The following SEMA3A variants were observed in gnomAD, a reference collection of about 807,000 sequenced individuals.
SEMA3A encodes semaphorin-3A.
SEMA3A carries 29 observed loss-of-function variants against 97.9 expected under a neutral mutation model. That is an observed-to-expected ratio of 0.30 (90% CI 0.22 to 0.40). The LOEUF (loss-of-function observed/expected upper bound fraction) is 0.40, where lower values mean the gene tolerates loss of function less well. Ranked by LOEUF, SEMA3A falls within the 10% of genes least tolerant of loss-of-function variation. The pLI, the probability that SEMA3A is intolerant of heterozygous loss-of-function variation, is 1.00. For missense variants in SEMA3A, 763 were observed against 951.3 expected, an observed-to-expected ratio of 0.80 and a Z score of 2.60; for synonymous variants, 321 against 323.7, an observed-to-expected ratio of 0.99 and a Z score of 0.09.
intron 2 of SEMA3A, among the ~76,000 whole-genome samples, chr7:84,348,259 G>A (rs1229748481): frequency 6.6e-6 from 1 of 151,998 alleles, no homozygotes; most frequent in African/African-American, 2.4e-5. Flanking sequence ...AATTAATTAA[G>A]CATTGTTTAA....
chr7:84,274,327 C>T lies in SEMA3A; in HGVS notation c.-83+32880G>A, dbSNP rs111258050. Among the ~76,000 whole-genome samples the T allele has an allele frequency of 4.6e-5, 7 of 152,132 alleles. 1 individual carries two copies. The highest frequency in any genetic ancestry group is 1.2e-4 in the African/African-American group (5 of 41,526). On this transcript the variant is annotated intron_variant, in intron 3 of 3. Transcript: ENST00000424555. ...TTCCTTTGGTCAGTAAACAATCCAC[C>T]GTGCAGGAAAGGCCCCTGAAATTCC...
chr7:84,257,998 C>T (rs865975028), intron 3 of SEMA3A, among the ~76,000 whole-genome samples: 1 of 152,066 alleles, frequency 6.6e-6, no homozygotes, highest in African/African-American at 2.4e-5. Context: ...ATTGCAAATA[C>T]TCATGTGACA....
chr7:83,995,709 ATAAAAT>A (rs1225868036), intron 12 of SEMA3A, among the ~76,000 whole-genome samples: 1 of 47,668 alleles, frequency 2.1e-5, no homozygotes, highest in Non-Finnish European at 3.7e-5. Context: ...TCGAGTAAAA[ATAAAAT>A]TAAAACAGCA....
At chr7:84,448,073 A>G (rs776434119) in intron 1 of SEMA3A, among the ~76,000 whole-genome samples, 7 of 152,162 alleles carry the variant, frequency 4.6e-5, no homozygotes, top group Non-Finnish European at 1.0e-4. Flanking sequence ...TCACTTGGCC[A>G]TACACCCTTC....
intron 13 of SEMA3A, among the ~76,000 whole-genome samples, chr7:83,984,486 G>A (rs1410697479): frequency 3.9e-5 from 6 of 151,920 alleles, no homozygotes; most frequent in African/African-American, 7.2e-5. Context: ...AGCATGGTCA[G>A]AGATAAAACA....
intron 5 of SEMA3A, among the ~76,000 whole-genome samples, chr7:84,058,671 C>A (rs1243035120): frequency 6.6e-6 from 1 of 152,052 alleles, no homozygotes. Context: ...GCGCTACATA[C>A]CTCTGAAAAT....
intron 3 of SEMA3A, among the ~76,000 whole-genome samples, chr7:84,231,778 A>G (rs148779711): frequency 0.035 from 5,391 of 151,934 alleles, 112 homozygotes; most frequent in South Asian, 0.046. Context: ...GTGTTTTACT[A>G]AGCTGAGTGT....
intron 15 of SEMA3A, among the ~76,000 whole-genome samples, chr7:83,965,914 C>T (rs1170481395): frequency 6.6e-6 from 1 of 150,568 alleles, no homozygotes; most frequent in African/African-American, 2.4e-5. Context: ...CTCCTGACCT[C>T]GTGATCCGCC....
intron 3 of SEMA3A, among the ~76,000 whole-genome samples, chr7:84,220,751 T>C (rs1341787275): frequency 6.6e-6 from 1 of 152,148 alleles, no homozygotes; most frequent in Non-Finnish European, 1.5e-5. Context: ...GAGCTTAAAA[T>C]ATTCGGTAAC....
intron 3 of SEMA3A, among the ~76,000 whole-genome samples, chr7:84,257,266 A>AT (rs201454511): frequency 8.0e-4 from 118 of 147,954 alleles, no homozygotes; most frequent in East Asian, 2.0e-3. Flanking sequence ...GGGCACTTTA[A>AT]TTTTTTTTTT....
Position 84,343,426 on chromosome 7 carries a change from G to A in SEMA3A, c.-169+28398C>T, listed in dbSNP as rs560932752. The stretch of plus-strand genomic sequence containing the variant: ...TATGGAAAATTAATGAATGCAAATT[G>A]ATTAAATTGCCTATGACTGCATTAA... On this transcript the variant is annotated intron_variant, in intron 2 of 3. Transcript: ENST00000424555. Among the ~76,000 whole-genome samples, 304 of 152,270 alleles carry A rather than the reference G, an allele frequency of 2.0e-3. 1 individual carries two copies. Among genetic ancestry groups the A allele is most frequent in the African/African-American group, 6.7e-3 (279 of 41,566 alleles).
intron 2 of SEMA3A, among the ~76,000 whole-genome samples, chr7:84,326,363 A>G (rs144422517): frequency 9.9e-5 from 15 of 152,238 alleles, no homozygotes; most frequent in African/African-American, 3.6e-4. Flanking sequence ...TGTTCTATGA[A>G]GCATAAACAA....
chr7:84,208,449 A>G (rs1798550683), intron 3 of SEMA3A, among the ~76,000 whole-genome samples: 7 of 149,780 alleles, frequency 4.7e-5, no homozygotes, highest in Admixed American at 4.6e-4. Flanking sequence ...CTCCGTCTCA[A>G]AAAAAAAAAG....
At chr7:84,063,174 G>T (rs548144305) in intron 4 of SEMA3A, among the ~76,000 whole-genome samples, 4,274 of 151,700 alleles carry the variant, frequency 0.028, 95 homozygotes, top group South Asian at 0.079. Flanking sequence ...CACCTCACAT[G>T]GCAGGGTATT....
In SEMA3A at chr7:84,091,406, A is replaced by C. The variant is rs568375430; in HGVS notation, c.453+19064T>G. ...GAAATTGTGTAGGTTAATATAAAGA[A>C]TATTCTTTTACACAAAATATTTTAT... On this transcript the variant is annotated intron_variant, in intron 4 of 16. Coordinates refer to ENST00000265362, the MANE Select transcript of SEMA3A (RefSeq NM_006080.3). Among the ~76,000 whole-genome samples, 274 of 152,108 alleles carry C rather than the reference A, an allele frequency of 1.8e-3. 3 individuals are homozygous for C. The highest frequency in any genetic ancestry group is 6.3e-3 in the African/African-American group (261 of 41,554).
intron 2 of SEMA3A, among the ~76,000 whole-genome samples, chr7:84,347,475 G>A (rs1028480570): frequency 3.3e-5 from 5 of 149,592 alleles, no homozygotes; most frequent in African/African-American, 7.4e-5. Context: ...GCAATGGCGC[G>A]ATCTCAGCTC....
intron 1 of SEMA3A, among the ~76,000 whole-genome samples, chr7:84,424,603 T>A (rs1584314196): frequency 6.2e-5 from 3 of 48,174 alleles, no homozygotes; most frequent in Non-Finnish European, 9.1e-5. Context: ...TATATAAATA[T>A]TAATATATAA....
chr7:84,302,378 T>C (rs767152824), intron 3 of SEMA3A, among the ~76,000 whole-genome samples: 28 of 152,160 alleles, frequency 1.8e-4, no homozygotes, highest in Non-Finnish European at 3.4e-4. Context: ...ATCTAAATTA[T>C]TCCTCAATAA....
At chr7:84,357,623 T>C (rs1485290868) in intron 2 of SEMA3A, among the ~76,000 whole-genome samples, 1 of 152,148 alleles carries the variant, frequency 6.6e-6, no homozygotes, top group Non-Finnish European at 1.5e-5. Context: ...TATAGCAGCA[T>C]GATTTATAAT....
Sources: gnomAD v4.1 joint callset for allele counts (sites outside exome capture counted in the v4.1 genomes callset) on GRCh38, gnomAD v4.1.1 for gene constraint, MANE v1.5 for transcripts, NCBI Gene and HGNC (gene_info 2026-07-23, HGNC 2026-07-21) for gene names.